The following RANBP17 variants were observed in gnomAD, a reference collection of about 807,000 sequenced individuals.
RANBP17 encodes RAN binding protein 17.
In RANBP17, 158 loss-of-function variants were observed where a neutral mutation model predicts 141.2. That is an observed-to-expected ratio of 1.12 (90% CI 0.98 to 1.28). RANBP17 has a LOEUF of 1.28. Among genes scored for constraint, RANBP17 ranks in the 50% most tolerant of loss-of-function variants. RANBP17 has a pLI of 0.00. For missense variants in RANBP17, 1,438 were observed against 1,290.7 expected (o/e 1.11, Z -1.75); for synonymous variants, 430 against 450.0 (o/e 0.96, Z 0.56).
chr5:171,199,888 C>T (rs1186941741), intron 19 of RANBP17, 115 bp downstream of exon 19: 3 of 518,190 alleles, frequency 5.8e-6, no homozygotes, highest in Non-Finnish European at 1.0e-5. Context: ...ACCTGCTTTC[C>T]CAATTGCATG....
intron 25 of RANBP17, among the ~76,000 whole-genome samples, chr5:171,280,108 CAT>C (rs1283747011): frequency 5.9e-5 from 9 of 152,178 alleles, no homozygotes; most frequent in Non-Finnish European, 1.0e-4. Context: ...TAATAAATCA[CAT>C]GACTTATTTA....
intron 12 of RANBP17, among the ~76,000 whole-genome samples, chr5:170,950,043 G>C (rs1775082682): frequency 6.6e-6 from 1 of 152,080 alleles, no homozygotes; most frequent in Non-Finnish European, 1.5e-5. Flanking sequence ...TGTATATCCA[G>C]ATGTGGAAGA....
chr5:170,880,395 A>C (rs1768557488), intron 2 of RANBP17, among the ~76,000 whole-genome samples: 1 of 152,198 alleles, frequency 6.6e-6, no homozygotes, highest in African/African-American at 2.4e-5. Flanking sequence ...ACCAGAAACT[A>C]GTAATCTTAT....
At chr5:171,206,563 A>G (rs11747937) in intron 20 of RANBP17, 90,441 of 163,872 alleles carry the variant, frequency 0.55, 26,671 homozygotes, top group Middle Eastern at 0.7. Context: ...CTGAAAGCTA[A>G]TTTACTTTTT....
chr5:171,125,469 A>G (rs1756380304), intron 14 of RANBP17, among the ~76,000 whole-genome samples: 2 of 152,116 alleles, frequency 1.3e-5, no homozygotes. Context: ...AAAAGGATAT[A>G]ATAGTTGTAA....
At position 171,176,653 on chromosome 5, in the gene RANBP17, C is replaced by T. The variant is rs550935261; in HGVS notation, c.1865+5367C>T. On this transcript the variant is annotated intron_variant, in intron 16 of 27. Transcript: ENST00000523189. ...AAATTTAACTCAGATAAATTACATA[C>T]GAATTTTCTGAAAATCTACACATTA... 7.6e-4 allele frequency among the ~76,000 whole-genome samples: 116 copies of T among 152,216 alleles called. No individual in the cohort carries two copies. In the South Asian group the frequency reaches 0.016, roughly 21 times the overall value.
rs941353494 is a variant in RANBP17 at position 170,919,555 on chromosome 5, C to T, written c.1216C>T (p.Pro406Ser). The part of the protein sequence containing the change: ...TEPHLLDTYA[P>S]EITKAFITSR... The stretch of plus-strand genomic sequence containing the variant: ...ACCCCACCTATTAGACACTTATGCA[C>T]CAGAAATCACGAAGGCCTTTATCAC... The change falls in exon 11 of 28, where the codon CCA becomes TCA. Residue 406 changes from proline to serine, a missense_variant. Coordinates refer to ENST00000523189, the MANE Select transcript of RANBP17 (RefSeq NM_022897.5). 3 of 1,610,826 alleles carry T rather than the reference C, an allele frequency of 1.9e-6. No homozygotes were observed. Among genetic ancestry groups the T allele is most frequent in the Admixed American group, 1.7e-5 (1 of 59,260 alleles).
At chr5:171,138,163 T>G (rs1400063633) in intron 14 of RANBP17, among the ~76,000 whole-genome samples, 1 of 152,140 alleles carries the variant, frequency 6.6e-6, no homozygotes, top group Non-Finnish European at 1.5e-5. Context: ...CAGTTTCCAT[T>G]TGGAGCCTAG....
chr5:171,250,443 A>G (rs1765483342), intron 24 of RANBP17, among the ~76,000 whole-genome samples: 1 of 152,242 alleles, frequency 6.6e-6, no homozygotes, highest in East Asian at 1.9e-4. Flanking sequence ...TAAAACAACC[A>G]GAAAACAATT....
intron 25 of RANBP17, among the ~76,000 whole-genome samples, chr5:171,291,461 A>G (rs1163220734): frequency 2.0e-5 from 3 of 152,206 alleles, no homozygotes; most frequent in African/African-American, 7.2e-5. Flanking sequence ...TTGGAGCCCC[A>G]GCTCACGCAG....
chr5:171,247,824 T>C (rs930116621), intron 24 of RANBP17, among the ~76,000 whole-genome samples: 2 of 152,140 alleles, frequency 1.3e-5, no homozygotes, highest in African/African-American at 2.4e-5. Flanking sequence ...CCTGCCCACA[T>C]GAAAGCTTGC....
At chr5:170,924,912 T>C (rs1198004999) in intron 12 of RANBP17, 1 of 160,004 alleles carries the variant, frequency 6.2e-6, no homozygotes, top group Non-Finnish European at 1.4e-5. Context: ...ATAAAAAGTA[T>C]ATAATATATC....
chr5:170,908,255 C>T (rs982744357), intron 5 of RANBP17, among the ~76,000 whole-genome samples: 42 of 151,944 alleles, frequency 2.8e-4, no homozygotes, highest in African/African-American at 9.4e-4. Flanking sequence ...AAAGCAAAGA[C>T]GTGGAATCAG....
At chr5:171,225,742 G>A (rs780378966) in intron 22 of RANBP17, among the ~76,000 whole-genome samples, 5 of 152,212 alleles carry the variant, frequency 3.3e-5, no homozygotes, top group African/African-American at 7.2e-5. Flanking sequence ...AGGGAAGGAA[G>A]CATTTCCAAA....
intron 19 of RANBP17, among the ~76,000 whole-genome samples, chr5:171,201,817 G>A (rs536218923): frequency 3.0e-4 from 45 of 152,264 alleles, no homozygotes; most frequent in Middle Eastern, 3.4e-3. Flanking sequence ...TTAGGTTAAG[G>A]CTATTTTTCT....
At chr5:171,173,198 T>C (rs558965324) in intron 16 of RANBP17, among the ~76,000 whole-genome samples, 1 of 152,174 alleles carries the variant, frequency 6.6e-6, no homozygotes, top group Non-Finnish European at 1.5e-5. Context: ...TGTATCTGTT[T>C]TAGTGCAGTT....
chr5:171,071,653 C>CAAAAAAA (rs34555837), intron 14 of RANBP17, among the ~76,000 whole-genome samples: 8 of 69,634 alleles, frequency 1.1e-4, no homozygotes, highest in East Asian at 5.2e-4. Flanking sequence ...CAGCTTTATG[C>CAAAAAAA]AAAAAAAAAA....
At chr5:170,888,720 C>T (rs6884098) in intron 3 of RANBP17, among the ~76,000 whole-genome samples, 91,387 of 151,968 alleles carry the variant, frequency 0.6, 29,175 homozygotes, top group South Asian at 0.88. Context: ...TTTTCTAGGA[C>T]TTACAGTATT....
At chr5:170,931,821 A>T (rs113130206) in intron 12 of RANBP17, among the ~76,000 whole-genome samples, 1 of 152,064 alleles carries the variant, frequency 6.6e-6, no homozygotes, top group East Asian at 1.9e-4. Flanking sequence ...CTTGTAGTAT[A>T]GTTTGAAGTC....
Sources: allele counts gnomAD v4.1 joint callset (sites outside exome capture counted in the v4.1 genomes callset), GRCh38; gene constraint gnomAD v4.1.1; transcripts MANE v1.5; gene names NCBI Gene and HGNC (gene_info 2026-07-23, HGNC 2026-07-21).